Variants in KCNH6 observed in about 807,000 individuals in gnomAD.
The protein encoded by KCNH6 is voltage-gated inwardly rectifying potassium channel KCNH6.
KCNH6 carries 81 observed loss-of-function variants against 83.4 expected under a neutral mutation model. The ratio of observed to expected loss-of-function variants is 0.97; its 90% CI spans 0.81 to 1.17. The LOEUF is 1.17. Ranked by LOEUF, KCNH6 falls within the 50% of genes most tolerant of loss-of-function variation. The probability of loss-of-function intolerance (pLI) is 0.00; values close to 1 mark genes in which losing one functional copy is unlikely to be tolerated. For synonymous variants in KCNH6, 503 were observed against 545.6 expected, an observed-to-expected ratio of 0.92 and a Z score of 1.09; for missense variants, 1,203 against 1,290.5, an observed-to-expected ratio of 0.93 and a Z score of 1.04.
In KCNH6 at chr17:63,533,889, C is replaced by G. The variant is rs1157219329; in HGVS notation, c.679C>G (p.Leu227Val). The G allele has an allele frequency of 6.2e-7, 1 of 1,611,814 alleles. No homozygotes were observed. Among genetic ancestry groups the G allele is most frequent in the Admixed American group, 1.7e-5 (1 of 59,928 alleles). ...QNVTEKVTQV[L>V]SLGADVLPEY... The stretch of plus-strand genomic sequence containing the variant: ...CTCCCTCGGCCCCCACCCCCAGGTC[C>G]TGTCCCTGGGCGCGGATGTGCTGCC... The change falls in exon 5 of 13, where the codon CTG becomes GTG. Residue 227 changes from leucine to valine, a missense_variant. Leu to Val is a conservative substitution (Grantham distance 32). Coordinates refer to ENST00000314672, the MANE Select transcript of KCNH6 (RefSeq NM_001278919.2). The surrounding 1 kb of genome is among the most constrained non-coding windows in gnomAD (Gnocchi z 4.1).
chr17:63,545,831 T>C lies in KCNH6; in HGVS notation c.2806T>C (p.Ser936Pro). Reference sequence around the variant, plus strand: ...CTCCTCCCTCCCTGAACACCTTGGCTCTGTTCCCAAGCAGCTGGACTTCCA... The same window carrying C: ...CTCCTCCCTCCCTGAACACCTTGGCCCTGTTCCCAAGCAGCTGGACTTCCA... ...CFSSLPEHLG[S>P]VPKQLDFQRH... Residue 936 changes from serine to proline, a missense_variant, in exon 13 of 13, where the codon TCT becomes CCT. Physicochemically the swap from Ser to Pro is moderately conservative, Grantham distance 74. Transcript: ENST00000314672. 2.5e-6 allele frequency: 4 copies of C among 1,614,074 alleles called. No homozygotes were observed. Among genetic ancestry groups the C allele is most frequent in the Non-Finnish European group, 2.5e-6 (3 of 1,180,002 alleles).
chr17:63,525,996 G>A (rs1305710270), intron 2 of KCNH6, among the ~76,000 whole-genome samples: 2 of 152,186 alleles, frequency 1.3e-5, no homozygotes, highest in South Asian at 2.1e-4. Flanking sequence ...GTCAGGTGAT[G>A]GCTCTTGAGG....
chr17:63,538,516 T>TGC lies in KCNH6; in HGVS notation c.1815_1816dup (p.Leu606ArgfsTer2). The TGC allele has an allele frequency of 1.9e-6, 3 of 1,605,266 alleles. No homozygotes were observed. Among genetic ancestry groups the TGC allele is most frequent in the Non-Finnish European group, 2.5e-6 (3 of 1,176,476 alleles). ...TTCAGCGGCGCCGGCAAGGGCTGCC[T>TGC]GCGCGCGCTAGCCGTCAAGTTCAAG... is the stretch of plus-strand genomic sequence containing the variant. On this transcript the variant is annotated frameshift_variant, in exon 8 of 13. Transcript: ENST00000314672. LOFTEE classifies it high-confidence loss of function. This position sits in a 1 kb window ranked among gnomAD's most constrained non-coding sequence, Gnocchi z 4.0.
In KCNH6 at chr17:63,534,013, T is replaced by C. The variant is rs1278853245; in HGVS notation, c.803T>C (p.Ile268Thr). The stretch of plus-strand genomic sequence containing the variant: ...GACTGGCTCATCCTGCTGCTGGTCA[T>C]CTACACGGCTGTCTTCACGCCCTAC... ...VWDWLILLLV[I>T]YTAVFTPYSA... Residue 268 changes from isoleucine (I) to threonine (T), a missense_variant, in exon 5 of 13, where the codon ATC (isoleucine) becomes ACC (threonine). Physicochemically the swap from Ile to Thr is moderately conservative, Grantham distance 89 (BLOSUM62 -1). Transcript: ENST00000314672. This position sits in a 1 kb window ranked among gnomAD's most constrained non-coding sequence, Gnocchi z 5.0. The C allele has an allele frequency of 1.2e-6, 2 of 1,614,200 alleles. No homozygotes were observed. Among genetic ancestry groups the C allele is most frequent in the African/African-American group, 2.7e-5 (2 of 75,042 alleles).
Position 63,535,689 on chromosome 17 carries a change from A to G in KCNH6, c.1122A>G (p.Leu374=), listed in dbSNP as rs2032435684. 6.2e-7 allele frequency: 1 copy of G among 1,610,004 alleles called. No homozygotes were observed. Among genetic ancestry groups the G allele is most frequent in the Non-Finnish European group, 8.5e-7 (1 of 1,177,536 alleles). ...GSDETTTLIG[L]LKTARLLRLV... is the part of the protein sequence containing the mutation. ...TCCAGACCACAACCCTGATTGGGCT[A>G]TTGAAGACAGCGCGGCTGCTGCGGC... The change falls in exon 6 of 13, where the codon CTA becomes CTG. Residue 374 remains leucine (L), a synonymous_variant. Coordinates refer to ENST00000314672, the MANE Select transcript of KCNH6 (RefSeq NM_001278919.2). This position sits in a 1 kb window ranked among gnomAD's most constrained non-coding sequence, Gnocchi z 4.9.
chr17:63,531,257 C>T (rs79057323), intron 4 of KCNH6, among the ~76,000 whole-genome samples: 4,418 of 152,356 alleles, frequency 0.029, 226 homozygotes, highest in African/African-American at 0.099. Flanking sequence ...CCAGTGACCA[C>T]AGTCCTGGCA....
rs41280098 is a variant in KCNH6, at chr17:63,542,302, A to G, written c.2016A>G (p.Ala672=). Residue 672 remains alanine, a synonymous_variant, in exon 9 of 13, where the codon GCA becomes GCG. Transcript: ENST00000314672. ...SLHAQPGKSS[A]DVRALTYCDL... ...ATGCCCAGCCAGGCAAGTCCAGTGC[A>G]GACGTGCGGGCTCTGACCTACTGCG... 0.02 allele frequency: 32,854 copies of G among 1,614,186 alleles called. 390 individuals carry two copies. Among genetic ancestry groups the G allele is most frequent in the Non-Finnish European group, 0.024 (28,468 of 1,180,022 alleles).
Position 63,523,559 on chromosome 17 carries a change from C to T in KCNH6, c.76+70C>T. 2.1e-6 allele frequency: 3 copies of T among 1,426,510 alleles called. No individual in the cohort carries two copies. The highest frequency in any genetic ancestry group is 1.2e-5 in the South Asian group (1 of 82,646). The allele number at this position is 1,426,510 out of a possible 1,614,324, so 88.4% of individuals were successfully genotyped here. On this transcript the variant is annotated intron_variant, in intron 1 of 12. Transcript: ENST00000314672. The surrounding 1 kb of genome is among the most constrained non-coding windows in gnomAD (Gnocchi z 4.2). The stretch of plus-strand genomic sequence containing the variant: ...GTTCCGTGAAAGGGGGGGCTGGACC[C>T]CTTTACTAACTTCTAACCGGGCAAG...
Position 63,534,663 on chromosome 17 carries a change from C to A in KCNH6, c.1101+352C>A, listed in dbSNP as rs2032365877. Among the ~76,000 whole-genome samples, 1 of 152,114 alleles carries A rather than the reference C, an allele frequency of 6.6e-6. No individual in the cohort carries two copies. The highest frequency in any genetic ancestry group is 2.1e-4 in the South Asian group (1 of 4,832). On this transcript the variant is annotated intron_variant, in intron 5 of 12. Coordinates refer to ENST00000314672, the MANE Select transcript of KCNH6 (RefSeq NM_001278919.2). This position sits in a 1 kb window ranked among gnomAD's most constrained non-coding sequence, Gnocchi z 5.0. Reference sequence around the variant, plus strand: ...AGAAAGGGATCCCCAGGCCACTCCCCCAGTGCACCCTGGCTCCCACCTTGC... The same window carrying A: ...AGAAAGGGATCCCCAGGCCACTCCCACAGTGCACCCTGGCTCCCACCTTGC...
intron 2 of KCNH6, among the ~76,000 whole-genome samples, chr17:63,527,798 G>A (rs1056858109): frequency 6.6e-6 from 1 of 152,138 alleles, no homozygotes; most frequent in South Asian, 2.1e-4. Flanking sequence ...ACAACCTGGG[G>A]CAGGGGGAGA....
intron 10 of KCNH6, 144 bp downstream of exon 10, chr17:63,543,804 G>A: frequency 3.1e-6 from 2 of 651,434 alleles, no homozygotes; most frequent in Admixed American, 5.4e-5. Flanking sequence ...CAGAGCTGGA[G>A]CCTTGGCCCT....
chr17:63,537,551 C>T (rs1425413412), intron 6 of KCNH6, among the ~76,000 whole-genome samples: 4 of 152,116 alleles, frequency 2.6e-5, no homozygotes, highest in Admixed American at 2.6e-4. Flanking sequence ...TCTCATGCCT[C>T]AGCCTCCCGA....
At chr17:63,545,365 G>A in intron 12 of KCNH6, 101 bp downstream of exon 12, 1 of 1,284,910 alleles carries the variant, frequency 7.8e-7, no homozygotes, top group South Asian at 1.3e-5. Context: ...GAGCCTCTGT[G>A]GCCCCAGAGC....
In KCNH6 at chr17:63,543,677, C is replaced by G. The variant is rs201162678; in HGVS notation, c.2233+17C>G. On this transcript the variant is annotated intron_variant, in intron 10 of 12. Transcript: ENST00000314672. ...ACCAGTCAGGTGAGCAAAGCCAGCC[C>G]CCACCCCCACCAGCCTGTAGCCCCT... is the stretch of plus-strand genomic sequence containing the variant. 13 of 1,524,898 alleles carry G rather than the reference C, an allele frequency of 8.5e-6. No homozygotes were observed. The East Asian group carries it at 2.7e-4, about 32-fold the overall frequency. The allele number at this position is 1,524,898 out of a possible 1,614,324, so 94.5% of individuals were successfully genotyped here.
At chr17:63,527,279 A>G (rs2031781228) in intron 2 of KCNH6, among the ~76,000 whole-genome samples, 1 of 152,164 alleles carries the variant, frequency 6.6e-6, no homozygotes, top group Admixed American at 6.5e-5. Flanking sequence ...CAGGAGGACC[A>G]AGCTAGGAGG....
Position 63,545,792 on chromosome 17 carries a change from T to G in KCNH6, c.2767T>G (p.Cys923Gly). ...TCCCCTGGAAGTACAAGGACTCATC[T>G]GTGGTCCCTGCTTCTCCTCCCTCCC... ...LHPLEVQGLI[C>G]GPCFSSLPEH... Residue 923 changes from cysteine (C) to glycine (G), a missense_variant, in exon 13 of 13, where the codon TGT becomes GGT. Transcript: ENST00000314672. 4.3e-6 allele frequency: 7 copies of G among 1,614,186 alleles called. No homozygotes were observed. The highest frequency in any genetic ancestry group is 5.1e-6 in the Non-Finnish European group (6 of 1,180,022).
In KCNH6 at chr17:63,544,232, C is replaced by T. The variant is rs2147735748; in HGVS notation, c.2234-17C>T. On this transcript the variant is annotated splice_polypyrimidine_tract_variant and intron_variant, in intron 10 of 12. Coordinates refer to ENST00000314672, the MANE Select transcript of KCNH6 (RefSeq NM_001278919.2). ...AACCAGCTAGGCCCAGCTGAGACTT[C>T]CCTTTCCCTCCTGCAGATGCAGCCC... The T allele has an allele frequency of 1.3e-6, 2 of 1,584,218 alleles. No individual in the cohort carries two copies. Among genetic ancestry groups the T allele is most frequent in the South Asian group, 2.3e-5 (2 of 88,104 alleles).
intron 2 of KCNH6, among the ~76,000 whole-genome samples, chr17:63,525,493 A>G (rs2031647931): frequency 1.3e-5 from 2 of 152,206 alleles, no homozygotes; most frequent in South Asian, 2.1e-4. Flanking sequence ...GGAGATAAAG[A>G]ATGGATGTCT....
intron 8 of KCNH6, among the ~76,000 whole-genome samples, chr17:63,541,497 T>C (rs955502371): frequency 3.3e-5 from 5 of 150,826 alleles, no homozygotes; most frequent in African/African-American, 1.2e-4. Flanking sequence ...GGTTTCACCG[T>C]GTTGGCCAGA....
Sources: allele counts gnomAD v4.1 joint callset (sites outside exome capture counted in the v4.1 genomes callset), GRCh38; gene constraint gnomAD v4.1.1; non-coding constraint Gnocchi (gnomAD v3.1); transcripts MANE v1.5; gene names NCBI Gene and HGNC (gene_info 2026-07-23, HGNC 2026-07-21).